Variants in BAZ2B observed in about 807,000 individuals in gnomAD.
BAZ2B encodes bromodomain adjacent to zinc finger domain 2B.
BAZ2B carries 91 observed loss-of-function variants against 246.0 expected under a neutral mutation model. The ratio of observed to expected loss-of-function variants is 0.37; its 90% CI spans 0.31 to 0.44. BAZ2B has a LOEUF of 0.44. Among genes scored for constraint, BAZ2B ranks in the 20% least tolerant of loss-of-function variants. The pLI, the probability that BAZ2B is intolerant of heterozygous loss-of-function variation, is 1.00. For missense variants in BAZ2B, 2,332 were observed against 2,533.7 expected, an observed-to-expected ratio of 0.92 and a Z score of 1.71; for synonymous variants, 855 against 860.0, an observed-to-expected ratio of 0.99 and a Z score of 0.10.
intron 1 of BAZ2B, among the ~76,000 whole-genome samples, chr2:159,570,521 A>C (rs900085792): frequency 6.6e-6 from 1 of 152,232 alleles, no homozygotes; most frequent in Admixed American, 6.5e-5. Flanking sequence ...ATATAGAAGA[A>C]GACAGGATAT....
intron 1 of BAZ2B, among the ~76,000 whole-genome samples, chr2:159,588,737 C>A (rs1275303285): frequency 6.6e-6 from 1 of 152,166 alleles, no homozygotes; most frequent in Non-Finnish European, 1.5e-5. Context: ...GAGGTGAGAA[C>A]CATTGCTTAG....
At chr2:159,433,766 C>A (rs2071594504) in intron 8 of BAZ2B, 1 of 164,242 alleles carries the variant, frequency 6.1e-6, no homozygotes, top group African/African-American at 2.4e-5. Context: ...CAGAAGCATT[C>A]TTTGCCTCTT....
At chr2:159,644,498 T>C in the BAZ2B span, among the ~76,000 whole-genome samples, 1 of 152,220 alleles carries the variant, frequency 6.6e-6, no homozygotes, top group Non-Finnish European at 1.5e-5. Context: ...AGAAGCTGTC[T>C]TGCCCCTTAG....
At chr2:159,623,044 GAAA>G in the BAZ2B span, among the ~76,000 whole-genome samples, 2 of 85,484 alleles carry the variant, frequency 2.3e-5, no homozygotes, top group African/African-American at 1.1e-4. Context: ...AAAGAGGAAA[GAAA>G]AGAAAGGAAG....
the BAZ2B span, among the ~76,000 whole-genome samples, chr2:159,679,512 C>T: frequency 6.6e-6 from 1 of 151,940 alleles, no homozygotes; most frequent in South Asian, 2.1e-4. Flanking sequence ...AATAAAATGG[C>T]CAACTAGGTT....
At chr2:159,579,933 A>C (rs915678316) in intron 1 of BAZ2B, among the ~76,000 whole-genome samples, 4 of 152,140 alleles carry the variant, frequency 2.6e-5, no homozygotes, top group African/African-American at 7.2e-5. Context: ...ATAATAAGAG[A>C]TATTTATGAC....
intron 13 of BAZ2B, among the ~76,000 whole-genome samples, chr2:159,425,573 C>T (rs1251976227): frequency 6.6e-6 from 1 of 152,186 alleles, no homozygotes; most frequent in African/African-American, 2.4e-5. Context: ...TTTGTTATCA[C>T]CATTACATCC....
At chr2:159,488,844 C>A (rs971540876) in intron 2 of BAZ2B, among the ~76,000 whole-genome samples, 4 of 152,112 alleles carry the variant, frequency 2.6e-5, no homozygotes, top group Non-Finnish European at 5.9e-5. Context: ...GATTAATAGT[C>A]ATTTCTCCAG....
the BAZ2B span, among the ~76,000 whole-genome samples, chr2:159,692,164 T>C: frequency 0.041 from 6,300 of 152,150 alleles, 416 homozygotes; most frequent in African/African-American, 0.14. Flanking sequence ...TAATTTTTTT[T>C]TTCTTTTTGA....
intron 25 of BAZ2B, among the ~76,000 whole-genome samples, chr2:159,379,956 T>C (rs1474020463): frequency 2.0e-5 from 3 of 152,044 alleles, no homozygotes; most frequent in Non-Finnish European, 2.9e-5. Flanking sequence ...CTTCAATCTT[T>C]TATATGTGTC....
chr2:159,662,264 C>A, the BAZ2B span, among the ~76,000 whole-genome samples: 1 of 152,154 alleles, frequency 6.6e-6, no homozygotes. Context: ...TTCTTTCCAC[C>A]TTTTGGCAAT....
At chr2:159,574,031 T>C (rs1684646948) in intron 1 of BAZ2B, among the ~76,000 whole-genome samples, 1 of 151,296 alleles carries the variant, frequency 6.6e-6, no homozygotes, top group Non-Finnish European at 1.5e-5. Flanking sequence ...GCCTGGGAGG[T>C]TGAGCCTACA....
intron 3 of BAZ2B, among the ~76,000 whole-genome samples, chr2:159,469,007 A>G (rs1446421083): frequency 6.7e-6 from 1 of 149,330 alleles, no homozygotes; most frequent in Non-Finnish European, 1.5e-5. Flanking sequence ...GCTGAGATTG[A>G]GCCATTGCAC....
In BAZ2B at chr2:159,583,107, CTTTTCTTTTTTT is replaced by C. The variant is rs1278793804; in HGVS notation, c.-45-27254_-45-27243del. 4.5e-5 allele frequency among the ~76,000 whole-genome samples: 5 copies of C among 110,668 alleles called. No homozygotes were observed. The East Asian group carries it at 1.8e-3, about 39-fold the overall frequency. The allele number at this position is 110,668 out of a possible 152,430, so 72.6% of individuals were successfully genotyped here. ...AAAAATATGAAATATATTCTTTTTT[CTTTTCTTTTTTT>C]TTTTTTTTTGTTGAGACGGAGTCTC... On this transcript the variant is annotated intron_variant, in intron 1 of 36. Transcript: ENST00000392783.
chr2:159,502,325 A>C (rs1285226307), intron 2 of BAZ2B, among the ~76,000 whole-genome samples: 2 of 66,698 alleles, frequency 3.0e-5, no homozygotes, highest in Admixed American at 2.2e-4. Flanking sequence ...TATCTCCATA[A>C]AGCTGTTAAA....
At chr2:159,501,173 ATT>A (rs1491489709) in intron 2 of BAZ2B, among the ~76,000 whole-genome samples, 7 of 104,496 alleles carry the variant, frequency 6.7e-5, no homozygotes, top group Middle Eastern at 4.3e-3. Flanking sequence ...TATAATATAT[ATT>A]ATATATATTT....
intron 2 of BAZ2B, among the ~76,000 whole-genome samples, chr2:159,534,297 C>T (rs774085433): frequency 1.1e-4 from 16 of 152,156 alleles, no homozygotes; most frequent in Non-Finnish European, 1.9e-4. Flanking sequence ...AGTGTACTTA[C>T]GTGAACCTAG....
At chr2:159,476,437 G>A (rs997812010) in intron 3 of BAZ2B, among the ~76,000 whole-genome samples, 19 of 151,372 alleles carry the variant, frequency 1.3e-4, no homozygotes, top group African/African-American at 4.1e-4. Flanking sequence ...TTAAAAAAAC[G>A]CATCCCTTTC....
the BAZ2B span, among the ~76,000 whole-genome samples, chr2:159,663,658 T>C: frequency 6.6e-6 from 1 of 151,848 alleles, no homozygotes; most frequent in Non-Finnish European, 1.5e-5. Flanking sequence ...CAGCTGGTAT[T>C]ACAGGCACAT....
Sources: gnomAD v4.1 joint callset for allele counts (sites outside exome capture counted in the v4.1 genomes callset) on GRCh38, gnomAD v4.1.1 for gene constraint, MANE v1.5 for transcripts, NCBI Gene and HGNC (gene_info 2026-07-23, HGNC 2026-07-21) for gene names.